The following SHANK2 variants were observed in gnomAD, a reference collection of about 807,000 sequenced individuals.
The protein encoded by SHANK2 is SH3 and multiple ankyrin repeat domains 2, also known as SH3 and multiple ankyrin repeat domains protein 2.
SHANK2 carries 43 observed loss-of-function variants against 133.7 expected under a neutral mutation model. That is an observed-to-expected ratio of 0.32 (90% confidence interval 0.25 to 0.41). The LOEUF is 0.41. Among genes scored for constraint, SHANK2 ranks in the 10% least tolerant of loss-of-function variants. The probability of loss-of-function intolerance (pLI) is 1.00; values close to 1 mark genes in which losing one functional copy is unlikely to be tolerated. For missense variants in SHANK2, 1,994 were observed against 2,235.8 expected (o/e 0.89, Z 2.18); for synonymous variants, 1,017 against 952.8 (o/e 1.07, Z -1.24).
intron 15 of SHANK2, among the ~76,000 whole-genome samples, chr11:70,683,789 G>GT (rs797024653): frequency 0.097 from 13,993 of 143,520 alleles, 2,044 homozygotes; most frequent in African/African-American, 0.32. Context: ...TCTCCTTTTT[G>GT]TTTTTTTTTT....
At position 71,118,909 on chromosome 11, in the gene SHANK2, G is replaced by A. The variant is rs1484212852; in HGVS notation, c.331C>T (p.Arg111Cys). The A allele has an allele frequency of 1.7e-5, 27 of 1,551,630 alleles. No individual in the cohort carries two copies. The highest frequency in any genetic ancestry group is 2.3e-5 in the Non-Finnish European group (26 of 1,147,022). Residue 111 changes from arginine (R) to cysteine (C), a missense_variant, in exon 4 of 26, where the codon CGT (arginine) becomes TGT (cysteine). By Grantham distance (180) the Arg-to-Cys change is radical (BLOSUM62 -3). Transcript: ENST00000601538. ...TCCTCATCCAGGAACTTGCCGTCAC[G>A]CCCATTGCTGGCCGGCTGGAACAGG... ...YGLFQPASNG[R>C]DGKFLDEERL...
At chr11:70,538,223 T>C (rs1173353922) in intron 17 of SHANK2, among the ~76,000 whole-genome samples, 1 of 152,162 alleles carries the variant, frequency 6.6e-6, no homozygotes, top group Admixed American at 6.5e-5. Context: ...CCTGTGGACA[T>C]AGCCAGCAGC....
chr11:71,171,052 G>A (rs1390939677), intron 2 of SHANK2, among the ~76,000 whole-genome samples: 10 of 152,170 alleles, frequency 6.6e-5, no homozygotes, highest in African/African-American at 1.4e-4. Flanking sequence ...GCTCGTAGAC[G>A]GCCAACTTCT....
intron 21 of SHANK2, chr11:70,496,952 C>T (rs1229032969): frequency 2.2e-6 from 1 of 456,520 alleles, no homozygotes; most frequent in African/African-American, 2.0e-5. Flanking sequence ...GAAACTGTGG[C>T]CACCTTGCCT....
intron 10 of SHANK2, among the ~76,000 whole-genome samples, chr11:70,932,789 T>C (rs555863425): frequency 7.9e-4 from 120 of 151,876 alleles, no homozygotes; most frequent in African/African-American, 2.8e-3. Flanking sequence ...ACAGAAACTA[T>C]TGAAAAGCAC....
intron 17 of SHANK2, among the ~76,000 whole-genome samples, chr11:70,555,503 T>G (rs1554979310): frequency 6.6e-6 from 1 of 152,216 alleles, no homozygotes; most frequent in African/African-American, 2.4e-5. Context: ...GTCAGCACTT[T>G]GGGAGGCCAA....
chr11:70,647,000 T>C (rs994818933), intron 17 of SHANK2, among the ~76,000 whole-genome samples: 2 of 152,060 alleles, frequency 1.3e-5, no homozygotes, highest in Non-Finnish European at 2.9e-5. Context: ...TAGCTGGTAC[T>C]ACAGGTGTCC....
At chr11:70,784,350 T>TTTTTTG (rs1555045932) in intron 14 of SHANK2, among the ~76,000 whole-genome samples, 3 of 122,722 alleles carry the variant, frequency 2.4e-5, no homozygotes, top group African/African-American at 1.1e-4. Flanking sequence ...CTAGTTTTTT[T>TTTTTTG]TTTTTTTTTT....
At chr11:70,827,462 T>C (rs949700890) in intron 11 of SHANK2, among the ~76,000 whole-genome samples, 3 of 151,922 alleles carry the variant, frequency 2.0e-5, no homozygotes, top group Admixed American at 6.5e-5. Context: ...AAGTCAGATT[T>C]ATAAAGCAAA....
intron 11 of SHANK2, among the ~76,000 whole-genome samples, chr11:70,879,233 G>A (rs1164469217): frequency 9.2e-5 from 14 of 152,204 alleles, no homozygotes; most frequent in Non-Finnish European, 1.9e-4. Flanking sequence ...GTACATATGC[G>A]TACAAGTTCT....
At chr11:70,884,774 G>A (rs1949712097) in intron 11 of SHANK2, among the ~76,000 whole-genome samples, 1 of 152,186 alleles carries the variant, frequency 6.6e-6, no homozygotes, top group Non-Finnish European at 1.5e-5. Context: ...AGGCTGGAGT[G>A]CAATGGCGCG....
chr11:71,114,313 G>C (rs1555099935), intron 4 of SHANK2, among the ~76,000 whole-genome samples: 1 of 152,124 alleles, frequency 6.6e-6, no homozygotes, highest in African/African-American at 2.4e-5. Flanking sequence ...CCGTCACCCT[G>C]CACGGTTACA....
intron 17 of SHANK2, among the ~76,000 whole-genome samples, chr11:70,609,651 T>TTGTATATTGTATATAC (rs2060628181): frequency 6.6e-6 from 1 of 151,912 alleles, no homozygotes; most frequent in Non-Finnish European, 1.5e-5. Flanking sequence ...TATATCTATA[T>TTGTATATTGTATATAC]TGTATATTGT....
chr11:71,177,473 A>G (rs1555113262), intron 2 of SHANK2, among the ~76,000 whole-genome samples: 1 of 152,210 alleles, frequency 6.6e-6, no homozygotes, highest in Non-Finnish European at 1.5e-5. Context: ...AAAGTGTAGT[A>G]AGATAAAGAT....
chr11:70,836,571 G>A (rs749764330), intron 11 of SHANK2, among the ~76,000 whole-genome samples: 74 of 152,200 alleles, frequency 4.9e-4, no homozygotes, highest in Non-Finnish European at 9.0e-4. Flanking sequence ...GGCCCTGCCT[G>A]CCTCCATCAC....
At chr11:70,953,073 G>A (rs1361592989) in intron 10 of SHANK2, among the ~76,000 whole-genome samples, 2 of 151,940 alleles carry the variant, frequency 1.3e-5, no homozygotes, top group East Asian at 1.9e-4. Flanking sequence ...TGTGCCCTAC[G>A]AGGACCTTGG....
chr11:71,100,068 C>T (rs1555096361), intron 6 of SHANK2, among the ~76,000 whole-genome samples: 1 of 150,150 alleles, frequency 6.7e-6, no homozygotes, highest in Non-Finnish European at 1.5e-5. Flanking sequence ...AAAAAAGACA[C>T]CTCAACACAA....
chr11:71,241,407 G>A (rs962783509), intron 1 of SHANK2, among the ~76,000 whole-genome samples: 1 of 152,118 alleles, frequency 6.6e-6, no homozygotes, highest in Non-Finnish European at 1.5e-5. Context: ...CGCTTCCCCT[G>A]CCCCACACAG....
intron 17 of SHANK2, among the ~76,000 whole-genome samples, chr11:70,520,780 GAA>G (rs2059320739): frequency 1.3e-5 from 2 of 152,318 alleles, no homozygotes; most frequent in South Asian, 4.1e-4. Flanking sequence ...GTGGACCCAT[GAA>G]TACTCATGTT....
Sources: gnomAD v4.1 joint callset for allele counts (sites outside exome capture counted in the v4.1 genomes callset) on GRCh38, gnomAD v4.1.1 for gene constraint, MANE v1.5 for transcripts, NCBI Gene and HGNC (gene_info 2026-07-23, HGNC 2026-07-21) for gene names.